The following METTL6 variants were observed in gnomAD, a reference collection of about 807,000 sequenced individuals.
METTL6 encodes tRNA N(3)-cytidine methyltransferase METTL6.
Under a neutral mutation model 26.4 loss-of-function variants are expected in METTL6, and 22 were observed. The ratio of observed to expected loss-of-function variants is 0.83; its 90% CI spans 0.59 to 1.19. The LOEUF is 1.19. Ranked by LOEUF, METTL6 falls within the 50% of genes most tolerant of loss-of-function variation. The probability of loss-of-function intolerance (pLI) is 0.00; values close to 1 mark genes in which losing one functional copy is unlikely to be tolerated. For missense variants in METTL6, 304 were observed against 324.8 expected (o/e 0.94, Z 0.49); for synonymous variants, 109 against 116.2 (o/e 0.94, Z 0.40).
At chr3:15,395,445 CTT>C (rs1699460969) in intron 6 of METTL6, among the ~76,000 whole-genome samples, 1 of 152,028 alleles carries the variant, frequency 6.6e-6, no homozygotes, top group Non-Finnish European at 1.5e-5. Flanking sequence ...GGTCTTGACT[CTT>C]TATCCAATTT....
intron 3 of METTL6, 95 bp downstream of exon 3, chr3:15,424,860 G>C (rs1409670231): frequency 6.5e-7 from 1 of 1,542,412 alleles, no homozygotes; most frequent in Admixed American, 1.8e-5. Context: ...TAGCTCCAGG[G>C]AAGACTAGAA....
chr3:15,427,610 C>G (rs1424669436), upstream of METTL6: 1 of 633,464 alleles, frequency 1.6e-6, no homozygotes, highest in East Asian at 3.0e-5. Context: ...CTCTCACCCC[C>G]ACGCAGAGGA....
At chr3:15,392,795 T>C (rs1246113178) in intron 6 of METTL6, among the ~76,000 whole-genome samples, 1 of 152,210 alleles carries the variant, frequency 6.6e-6, no homozygotes, top group Non-Finnish European at 1.5e-5. Context: ...TTGTCAAAGA[T>C]CAGATAGTTG....
chr3:15,395,591 G>T lies in METTL6; in HGVS notation c.*12-11404C>A, dbSNP rs189990997. 4.6e-3 allele frequency among the ~76,000 whole-genome samples: 696 copies of T among 152,178 alleles called. 5 individuals are homozygous for T. The highest frequency in any genetic ancestry group is 0.016 in the African/African-American group (655 of 41,496). On this transcript the variant is annotated intron_variant, in intron 6 of 6. Transcript: ENST00000443029. ...TGTTAGTTGATGAAGTTTCTTCCTA[G>T]TCTCGATGGTCTTTACAATTTGGCA...
At chr3:15,413,977 A>C (rs1292178268) in intron 5 of METTL6, 44 bp downstream of exon 5, 1 of 1,612,766 alleles carries the variant, frequency 6.2e-7, no homozygotes, top group Non-Finnish European at 8.5e-7. Flanking sequence ...AATAAACAGA[A>C]ACAAAGAATA....
chr3:15,412,390 C>G (rs1382373159), intron 5 of METTL6, among the ~76,000 whole-genome samples: 1 of 152,238 alleles, frequency 6.6e-6, no homozygotes, highest in African/African-American at 2.4e-5. Context: ...GCAGATATCA[C>G]TGAATCTTCT....
At chr3:15,382,831 A>G (rs932383374) in exon 7 of METTL6, 3 of 150,184 alleles carry the variant, frequency 2.0e-5, no homozygotes, top group African/African-American at 7.5e-5. Context: ...ATTTGCAACA[A>G]CATGGGTGAA....
intron 3 of METTL6, among the ~76,000 whole-genome samples, chr3:15,423,526 A>G (rs1158111165): frequency 6.6e-6 from 1 of 152,136 alleles, no homozygotes; most frequent in African/African-American, 2.4e-5. Context: ...TGAGCTCAGG[A>G]GTTTGAGACC....
At chr3:15,397,211 T>G (rs1168624336) in intron 6 of METTL6, among the ~76,000 whole-genome samples, 7 of 152,194 alleles carry the variant, frequency 4.6e-5, no homozygotes, top group Admixed American at 2.6e-4. Flanking sequence ...GCCTCACTGC[T>G]GCCTTGCAGT....
rs144161131 is a variant in METTL6 at position 15,415,551 on chromosome 3, G to C, written c.531+221C>G. On this transcript the variant is annotated intron_variant, in intron 4 of 5. Transcript: ENST00000383790. Reference sequence around the variant, plus strand: ...TAACTGCAAAATCATCCTTGTCCCAGGGCTGGCGAAGCTCTGAAGAGCAGC... The same window carrying C: ...TAACTGCAAAATCATCCTTGTCCCACGGCTGGCGAAGCTCTGAAGAGCAGC... 2.1e-4 allele frequency: 343 copies of C among 1,600,114 alleles called. 2 individuals carry two copies. The African/African-American group carries it at 4.0e-3, about 19-fold the overall frequency.
At chr3:15,407,994 T>C (rs59171740), downstream of METTL6, among the ~76,000 whole-genome samples, 3,230 of 152,294 alleles carry the variant, frequency 0.021, 98 homozygotes, top group African/African-American at 0.072. Flanking sequence ...CTTAAGTGTA[T>C]AAGACCTGCT....
chr3:15,408,280 C>A (rs890583855), downstream of METTL6, among the ~76,000 whole-genome samples: 1 of 152,072 alleles, frequency 6.6e-6, no homozygotes, highest in Non-Finnish European at 1.5e-5. Context: ...CAGGTATGTT[C>A]ACTCTGTGAT....
chr3:15,424,824 C>T, intron 3 of METTL6, 131 bp downstream of exon 3: 1 of 1,175,206 alleles, frequency 8.5e-7, no homozygotes, highest in Non-Finnish European at 1.2e-6. Flanking sequence ...AGCAGGACAA[C>T]TACATGTATG....
intron 6 of METTL6, among the ~76,000 whole-genome samples, chr3:15,395,847 T>A (rs1365905077): frequency 2.6e-5 from 4 of 152,228 alleles, no homozygotes; most frequent in African/African-American, 4.8e-5. Flanking sequence ...GCTTGTAGAG[T>A]TTCTGCTGAG....
At chr3:15,424,832 A>T (rs1426589402) in intron 3 of METTL6, 123 bp downstream of exon 3, 2 of 1,243,708 alleles carry the variant, frequency 1.6e-6, no homozygotes, top group Non-Finnish European at 2.3e-6. Context: ...AACTACATGT[A>T]TGGTGACTAT....
chr3:15,400,243 C>T (rs2124928712), intron 6 of METTL6, among the ~76,000 whole-genome samples: 1 of 152,188 alleles, frequency 6.6e-6, no homozygotes, highest in Admixed American at 6.5e-5. Context: ...CCACCAAGTG[C>T]AGCACCAGAT....
chr3:15,403,430 C>T (rs1377903566), intron 6 of METTL6, among the ~76,000 whole-genome samples: 1 of 152,224 alleles, frequency 6.6e-6, no homozygotes, highest in Non-Finnish European at 1.5e-5. Flanking sequence ...AGCTACGTGT[C>T]ATGTTCTCAT....
intron 6 of METTL6, among the ~76,000 whole-genome samples, chr3:15,399,772 T>C (rs1699591244): frequency 6.6e-6 from 1 of 151,926 alleles, no homozygotes. Context: ...CACCATGACA[T>C]TCAGGGACCA....
downstream of METTL6, among the ~76,000 whole-genome samples, chr3:15,406,895 G>A (rs140030966): frequency 5.3e-3 from 803 of 152,142 alleles, 12 homozygotes; most frequent in African/African-American, 0.019. Context: ...CTCCCAAAAT[G>A]CTGGGATTAC....
Sources: gnomAD v4.1 joint callset for allele counts (sites outside exome capture counted in the v4.1 genomes callset) on GRCh38, gnomAD v4.1.1 for gene constraint, MANE v1.5 for transcripts, NCBI Gene and HGNC (gene_info 2026-07-23, HGNC 2026-07-21) for gene names.